The following ESRRB variants were observed in gnomAD, a reference collection of about 807,000 sequenced individuals.
The protein encoded by ESRRB is steroid hormone receptor ERR2.
In ESRRB, 16 loss-of-function variants were observed where a neutral mutation model predicts 46.0. The observed-to-expected ratio is 0.35, with a 90% CI of 0.24 to 0.53. The LOEUF (loss-of-function observed/expected upper bound fraction) is 0.53, where lower values mean the gene tolerates loss of function less well. ESRRB is among the 20% of genes least tolerant of loss of function. The pLI, the probability that ESRRB is intolerant of heterozygous loss-of-function variation, is 0.93. For synonymous variants in ESRRB, 246 were observed against 259.6 expected (o/e 0.95, Z 0.50); for missense variants, 488 against 607.4 (o/e 0.80, Z 2.07).
rs533133586 is a variant in ESRRB, at chr14:76,425,235, A to G, written c.51-14106A>G. Reference sequence around the variant, plus strand: ...GGTCATGAGGGGTGGGGTTGTATAAACTGTAACTGGAAGCTCAGAGGGAAG... The same window carrying G: ...GGTCATGAGGGGTGGGGTTGTATAAGCTGTAACTGGAAGCTCAGAGGGAAG... On this transcript the variant is annotated intron_variant, in intron 1 of 6. Coordinates refer to ENST00000644823, the MANE Select transcript of ESRRB (RefSeq NM_001379180.1). 2.0e-5 allele frequency among the ~76,000 whole-genome samples: 3 copies of G among 152,302 alleles called. No homozygotes were observed. In the East Asian group the frequency reaches 5.8e-4, roughly 29 times the overall value.
At position 76,465,668 on chromosome 14, in the gene ESRRB, T is replaced by A. The variant is rs184928396; in HGVS notation, c.577+3007T>A. On this transcript the variant is annotated intron_variant, in intron 3 of 6. Transcript: ENST00000644823. ...GCAAATATAGCCCTTTGGTTGATGG[T>A]CTTTACCCAGGGTGGCAGCTGGGGC... 5.5e-4 allele frequency among the ~76,000 whole-genome samples: 83 copies of A among 152,258 alleles called. 3 individuals are homozygous for A. In the East Asian group the frequency reaches 0.015, roughly 27 times the overall value.
chr14:76,475,695 A>T (rs1378391818), intron 3 of ESRRB, among the ~76,000 whole-genome samples: 1 of 152,132 alleles, frequency 6.6e-6, no homozygotes, highest in Admixed American at 6.6e-5. Flanking sequence ...CACTACACAG[A>T]TGTATGTTCA....
Position 76,482,908 on chromosome 14 carries a change from T to C in ESRRB, c.850+149T>C. 1 of 896,472 alleles carries C rather than the reference T, an allele frequency of 1.1e-6. No homozygotes were observed. 55.5% of individuals were successfully genotyped at this position (896,472 alleles called of 1,614,324 possible). ...CAGGCCTGTTTCTCTGAGCTCCTCT[T>C]CTCTCCTTGTAGCATTGGAGAGGAA... On this transcript the variant is annotated intron_variant, in intron 5 of 6. Transcript: ENST00000644823. The surrounding 1 kb of genome is among the most constrained non-coding windows in gnomAD (Gnocchi z 4.3).
intron 1 of ESRRB, among the ~76,000 whole-genome samples, chr14:76,379,582 C>T (rs1884923102): frequency 6.6e-6 from 1 of 152,002 alleles, no homozygotes; most frequent in Non-Finnish European, 1.5e-5. Context: ...GGAAATAAAC[C>T]TTTATGTGCC....
At chr14:76,460,744 C>T (rs1888820000) in intron 2 of ESRRB, among the ~76,000 whole-genome samples, 2 of 136,346 alleles carry the variant, frequency 1.5e-5, no homozygotes, top group Admixed American at 1.4e-4. Flanking sequence ...TCTTGTCACC[C>T]AGGCTGGAGT....
intron 1 of ESRRB, among the ~76,000 whole-genome samples, chr14:76,420,552 G>GGTGTGAGTGTGT (rs1344349683): frequency 2.8e-3 from 389 of 136,584 alleles, no homozygotes; most frequent in Non-Finnish European, 3.9e-3. Flanking sequence ...TCTCCTACAG[G>GGTGTGAGTGTGT]GTGTGAGTGT....
chr14:76,361,940 T>C (rs1440391027), intron 1 of ESRRB, among the ~76,000 whole-genome samples: 2 of 152,172 alleles, frequency 1.3e-5, no homozygotes, highest in Non-Finnish European at 2.9e-5. Context: ...GAGGGCAGCT[T>C]GGGAATAGGA....
At chr14:76,486,264 G>A (rs1184765456) in intron 5 of ESRRB, among the ~76,000 whole-genome samples, 1 of 152,186 alleles carries the variant, frequency 6.6e-6, no homozygotes, top group Non-Finnish European at 1.5e-5. Flanking sequence ...CCTCATGCCT[G>A]TGCCAGCCAG....
chr14:76,472,224 G>A (rs1031304127), intron 3 of ESRRB, among the ~76,000 whole-genome samples: 1 of 152,320 alleles, frequency 6.6e-6, no homozygotes, highest in South Asian at 2.1e-4. Flanking sequence ...TCTGTGTCAG[G>A]CGTACAGTTT....
Position 76,469,913 on chromosome 14 carries a change from G to C in ESRRB, c.577+7252G>C, listed in dbSNP as rs186512565. On this transcript the variant is annotated intron_variant, in intron 3 of 6. Coordinates refer to ENST00000644823, the MANE Select transcript of ESRRB (RefSeq NM_001379180.1). ...AATATAGTACATTAGGTAAAGACTA[G>C]GCTGTGTTTTTTGTTGTTTTTTTTT... Among the ~76,000 whole-genome samples the C allele has an allele frequency of 3.3e-3, 487 of 147,286 alleles. 2 individuals carry two copies. The highest frequency in any genetic ancestry group is 0.012 in the African/African-American group (467 of 40,020).
intron 1 of ESRRB, among the ~76,000 whole-genome samples, chr14:76,429,504 A>G (rs1197727946): frequency 6.6e-6 from 1 of 152,088 alleles, no homozygotes; most frequent in African/African-American, 2.4e-5. Context: ...TAATCCCAGC[A>G]CTTTGGGAGG....
At chr14:76,470,595 G>A (rs764798366) in intron 3 of ESRRB, among the ~76,000 whole-genome samples, 1 of 152,234 alleles carries the variant, frequency 6.6e-6, no homozygotes, top group Non-Finnish European at 1.5e-5. Flanking sequence ...CATTATCTGG[G>A]ACGCTGTGTA....
At chr14:76,446,280 C>A (rs1888141084) in intron 2 of ESRRB, among the ~76,000 whole-genome samples, 1 of 152,158 alleles carries the variant, frequency 6.6e-6, no homozygotes, top group Non-Finnish European at 1.5e-5. Context: ...TCTCAGAGAC[C>A]TATAATCAAC....
intron 1 of ESRRB, among the ~76,000 whole-genome samples, chr14:76,403,543 G>A (rs893805569): frequency 2.6e-5 from 4 of 152,184 alleles, no homozygotes; most frequent in Non-Finnish European, 4.4e-5. Context: ...TGGTCATGTC[G>A]AAGAGGGAAA....
At chr14:76,451,918 C>T (rs1410388815) in intron 2 of ESRRB, among the ~76,000 whole-genome samples, 2 of 147,872 alleles carry the variant, frequency 1.4e-5, no homozygotes, top group Middle Eastern at 4.0e-3. Flanking sequence ...GGATTACAGG[C>T]GTCTGCCACT....
intron 2 of ESRRB, among the ~76,000 whole-genome samples, chr14:76,442,123 A>G (rs998156360): frequency 6.6e-6 from 1 of 152,168 alleles, no homozygotes; most frequent in Non-Finnish European, 1.5e-5. Context: ...TCGTCCCCTT[A>G]TAGCTGCACC....
intron 1 of ESRRB, among the ~76,000 whole-genome samples, chr14:76,344,847 C>CA (rs563442204): frequency 0.015 from 1,684 of 114,762 alleles, 36 homozygotes; most frequent in African/African-American, 0.041. Flanking sequence ...GACTCCATCT[C>CA]AAAAAAAAAA....
At chr14:76,380,938 A>C (rs1032124030) in intron 1 of ESRRB, among the ~76,000 whole-genome samples, 2 of 152,218 alleles carry the variant, frequency 1.3e-5, no homozygotes, top group Non-Finnish European at 1.5e-5. Context: ...TTGCCCTTGA[A>C]GGCTTTCACC....
At chr14:76,436,206 T>C (rs8011127) in intron 1 of ESRRB, among the ~76,000 whole-genome samples, 45,521 of 152,024 alleles carry the variant, frequency 0.3, 6,914 homozygotes, top group East Asian at 0.36. Flanking sequence ...TCCTTCAGGG[T>C]TGTCCAGCCA....
Sources: allele counts gnomAD v4.1 joint callset (sites outside exome capture counted in the v4.1 genomes callset), GRCh38; gene constraint gnomAD v4.1.1; non-coding constraint Gnocchi (gnomAD v3.1); transcripts MANE v1.5; gene names NCBI Gene and HGNC (gene_info 2026-07-23, HGNC 2026-07-21).